FRMPD4: variants seen among roughly 807,000 people sequenced by gnomAD.
FRMPD4 encodes FERM and PDZ domain containing 4.
Under a neutral mutation model 94.1 loss-of-function variants are expected in FRMPD4, and 22 were observed. The ratio of observed to expected loss-of-function variants is 0.23; its 90% confidence interval spans 0.17 to 0.33. The LOEUF (loss-of-function observed/expected upper bound fraction) is 0.33. Ranked by LOEUF, FRMPD4 falls within the 10% of genes least tolerant of loss-of-function variation. The pLI is 1.00. For missense variants in FRMPD4, 1,111 were observed against 1,339.9 expected (o/e 0.83, Z 2.67); for synonymous variants, 631 against 548.6 (o/e 1.15, Z -2.10).
In FRMPD4 at chrX:12,096,974, A is replaced by C. The variant is rs181273453; in HGVS notation, c.95+218956A>C. On this transcript the variant is annotated intron_variant, in intron 3 of 18. Transcript: ENST00000640291. ...TTAGACTCAATGCCTAAACCAAAAA[A>C]AAAGTGAAAGGAATTGGGGACAAAA... is the stretch of plus-strand genomic sequence containing the variant. Among the ~76,000 whole-genome samples the C allele has an allele frequency of 5.4e-3, 600 of 112,010 alleles. 4 individuals carry two copies. The highest frequency in any genetic ancestry group is 0.018 in the African/African-American group (570 of 30,822).
chrX:12,371,583 G>T (rs1416824214), intron 1 of FRMPD4, among the ~76,000 whole-genome samples: 1 of 112,131 alleles, frequency 8.9e-6, no homozygotes, highest in Non-Finnish European at 1.9e-5. Context: ...TGTCATGACA[G>T]TAACGATTGC....
intron 1 of FRMPD4, among the ~76,000 whole-genome samples, chrX:12,164,392 G>T (rs1357780209): frequency 1.8e-5 from 2 of 111,819 alleles, no homozygotes; most frequent in African/African-American, 6.5e-5. Context: ...CTTTTTTATG[G>T]CTGCATAGTA....
chrX:12,577,051 T>C (rs2058818622), intron 2 of FRMPD4, among the ~76,000 whole-genome samples: 1 of 112,133 alleles, frequency 8.9e-6, no homozygotes, highest in Non-Finnish European at 1.9e-5. Context: ...AAGAATTATG[T>C]GTTTTTCATC....
chrX:12,474,224 AAAATG>A (rs1291066396), intron 1 of FRMPD4, among the ~76,000 whole-genome samples: 26 of 110,753 alleles, frequency 2.3e-4, no homozygotes, highest in African/African-American at 8.4e-4. Flanking sequence ...GGTACATAAC[AAAATG>A]AAGGCAGAAA....
At position 12,716,927 on chromosome X, in the gene FRMPD4, C is replaced by G; in HGVS notation, c.2468C>G (p.Ser823Cys). 1 of 1,211,186 alleles carries G rather than the reference C, an allele frequency of 8.3e-7. No individual in the cohort carries two copies. The highest frequency in any genetic ancestry group is 1.7e-5 in the African/African-American group (1 of 57,880). Residue 823 changes from serine (S) to cysteine (C), a missense_variant, in exon 15 of 17, where the codon TCT becomes TGT. Around this residue, in one of 8 missense-constraint regions of FRMPD4, gnomAD observed 74 missense variants for 93.9 expected, o/e 0.79. Coordinates refer to ENST00000675598, the MANE Select transcript of FRMPD4 (RefSeq NM_001368397.1). ...AGAGACAGTTCAGATGAAGAGGACT[C>G]TCAGAGCCAGGCAGCTTCCTTCCCC... is the stretch of plus-strand genomic sequence containing the variant. ...GFRDSSDEEDSQSQAASFPED... is the reference protein window; with the variant it reads ...GFRDSSDEEDCQSQAASFPED...
intron 1 of FRMPD4, among the ~76,000 whole-genome samples, chrX:12,293,804 T>C (rs1453183350): frequency 3.5e-5 from 4 of 112,677 alleles, no homozygotes; most frequent in African/African-American, 1.3e-4. Context: ...GCCTAGTTTT[T>C]TGTTCTATAT....
intron 1 of FRMPD4, among the ~76,000 whole-genome samples, chrX:12,173,288 T>A (rs2056252176): frequency 8.9e-6 from 1 of 112,291 alleles, no homozygotes; most frequent in Non-Finnish European, 1.9e-5. Context: ...ATCCAGGCTG[T>A]TCTCCAGCAG....
intron 1 of FRMPD4, among the ~76,000 whole-genome samples, chrX:12,345,131 A>AGGATGGATGGATGGAT (rs372484963): frequency 0.01 from 990 of 97,576 alleles, 12 homozygotes; most frequent in East Asian, 0.038. Flanking sequence ...GACAAATGAA[A>AGGATGGATGGATGGAT]GGATGGATGG....
In FRMPD4 at chrX:12,716,193, G is replaced by A. The variant is rs878951391; in HGVS notation, c.1734G>A (p.Lys578=). The change falls in exon 15 of 17, where the codon AAG becomes AAA. Residue 578 remains lysine (K), a synonymous_variant. Coordinates refer to ENST00000675598, the MANE Select transcript of FRMPD4 (RefSeq NM_001368397.1). Reference sequence around the variant, plus strand: ...TAACATACATAGATTCAAAGCAGAAGACGGTGGAGATCACAGACAGCACCA... The same window carrying A: ...TAACATACATAGATTCAAAGCAGAAAACGGTGGAGATCACAGACAGCACCA... The part of the protein sequence containing the change: ...AQITYIDSKQ[K]TVEITDSTMC... The A allele has an allele frequency of 8.3e-7, 1 of 1,206,461 alleles. No homozygotes were observed. Among genetic ancestry groups the A allele is most frequent in the Non-Finnish European group, 1.1e-6 (1 of 890,763 alleles).
At chrX:11,976,134 G>A (rs1306059155) in intron 3 of FRMPD4, among the ~76,000 whole-genome samples, 2 of 111,655 alleles carry the variant, frequency 1.8e-5, no homozygotes, top group African/African-American at 6.5e-5. Flanking sequence ...CTCTGACTGA[G>A]CCTCTTTTCT....
At chrX:12,391,265 C>T (rs1413142361) in intron 1 of FRMPD4, among the ~76,000 whole-genome samples, 1 of 111,892 alleles carries the variant, frequency 8.9e-6, no homozygotes, top group African/African-American at 3.3e-5. Flanking sequence ...AGACTCCTGA[C>T]ATTTAAGATG....
chrX:12,258,459 C>T (rs1390104520), intron 1 of FRMPD4, among the ~76,000 whole-genome samples: 1 of 111,152 alleles, frequency 9.0e-6, no homozygotes, highest in African/African-American at 3.3e-5. Flanking sequence ...AAGTCCCTCA[C>T]CAAATGTGGC....
intron 1 of FRMPD4, among the ~76,000 whole-genome samples, chrX:12,350,117 C>T (rs1383833932): frequency 9.0e-6 from 1 of 111,096 alleles, no homozygotes; most frequent in African/African-American, 3.3e-5. Flanking sequence ...ATAAAGGTAA[C>T]TACTAGAAGA....
intron 13 of FRMPD4, among the ~76,000 whole-genome samples, chrX:12,707,862 G>A (rs933881147): frequency 1.2e-4 from 13 of 112,060 alleles, no homozygotes; most frequent in African/African-American, 3.2e-4. Context: ...AATTCTCTGC[G>A]CTCAATTTTT....
chrX:12,495,328 C>T (rs930090522), intron 1 of FRMPD4, among the ~76,000 whole-genome samples: 4 of 112,220 alleles, frequency 3.6e-5, no homozygotes, highest in African/African-American at 1.3e-4. Flanking sequence ...GAGTGCTTTA[C>T]AAAATTCACT....
chrX:12,259,700 C>A (rs1039886182), intron 1 of FRMPD4, among the ~76,000 whole-genome samples: 14 of 111,506 alleles, frequency 1.3e-4, no homozygotes, highest in African/African-American at 3.6e-4. Context: ...CCTATTGGCA[C>A]GCTGAACAGC....
chrX:11,932,802 A>G (rs1360399271), intron 3 of FRMPD4, among the ~76,000 whole-genome samples: 1 of 110,865 alleles, frequency 9.0e-6, no homozygotes, highest in Admixed American at 9.6e-5. Context: ...TTTTCGCAGG[A>G]TTTGCTCCTG....
chrX:12,599,383 A>G (rs964846555), intron 2 of FRMPD4, among the ~76,000 whole-genome samples: 1 of 112,082 alleles, frequency 8.9e-6, no homozygotes, highest in Non-Finnish European at 1.9e-5. Context: ...CTCTGTAAAC[A>G]ATGGATGTTG....
At chrX:12,024,529 A>G (rs182429522) in intron 3 of FRMPD4, among the ~76,000 whole-genome samples, 17 of 112,139 alleles carry the variant, frequency 1.5e-4, no homozygotes, top group African/African-American at 5.2e-4. Context: ...AAGCATATAG[A>G]CAGAAAGAGA....
Sources: allele counts gnomAD v4.1 joint callset (sites outside exome capture counted in the v4.1 genomes callset), GRCh38; gene constraint gnomAD v4.1.1; regional missense constraint gnomAD v4.1.1; transcripts MANE v1.5; gene names NCBI Gene and HGNC (gene_info 2026-07-23, HGNC 2026-07-21).